IL23R: variants seen among roughly 807,000 people sequenced by gnomAD.
IL23R encodes the protein interleukin-23 receptor.
A neutral mutation model predicts 56.9 loss-of-function variants in IL23R; 34 were observed. The observed-to-expected ratio is 0.60, with a 90% CI of 0.45 to 0.80. The LOEUF (loss-of-function observed/expected upper bound fraction) is 0.80. Among genes scored for constraint, IL23R ranks in the 30% least tolerant of loss-of-function variants. The pLI is 0.00. For missense variants in IL23R, 635 were observed against 730.0 expected (o/e 0.87, Z 1.50); for synonymous variants, 230 against 249.2 (o/e 0.92, Z 0.73).
intron 1 of IL23R, among the ~76,000 whole-genome samples, chr1:67,158,865 T>C (rs948781429): frequency 6.7e-6 from 1 of 150,206 alleles, no homozygotes; most frequent in Non-Finnish European, 1.5e-5. Context: ...AGTGAGACTA[T>C]CACTATCAGT....
intron 6 of IL23R, 176 bp downstream of exon 6, chr1:67,207,231 G>T: frequency 1.3e-6 from 1 of 740,970 alleles, no homozygotes; most frequent in Non-Finnish European, 2.3e-6. Flanking sequence ...TTAGATTCGG[G>T]GGCACATGTG....
intron 7 of IL23R, among the ~76,000 whole-genome samples, chr1:67,227,076 C>G (rs776794270): frequency 3.9e-5 from 6 of 152,208 alleles, no homozygotes; most frequent in Non-Finnish European, 7.3e-5. Context: ...TCTGATCCAC[C>G]AACCTTGATA....
chr1:67,146,874 T>C (rs1646684280), intron 1 of IL23R, among the ~76,000 whole-genome samples: 1 of 152,180 alleles, frequency 6.6e-6, no homozygotes, highest in Non-Finnish European at 1.5e-5. Context: ...GAAATTGCTC[T>C]TCCCCCTTTC....
intron 1 of IL23R, among the ~76,000 whole-genome samples, chr1:67,148,857 T>C (rs528446961): frequency 6.6e-6 from 1 of 152,308 alleles, no homozygotes; most frequent in Admixed American, 6.5e-5. Context: ...TCAGAGGCTC[T>C]TGTGTTCCCT....
chr1:67,203,816 GCA>G (rs1483808696), intron 5 of IL23R, among the ~76,000 whole-genome samples: 1 of 152,176 alleles, frequency 6.6e-6, no homozygotes, highest in Non-Finnish European at 1.5e-5. Context: ...GAATGGCAGC[GCA>G]GAGTTAGTAG....
Position 67,202,710 on chromosome 1 carries a change from G to A in IL23R, c.652+1813G>A, listed in dbSNP as rs143305701. ...CCTTAGCCTCTCGAGTAGCTGGGAC[G>A]ACAGGCCACAGGCCACAGTGCCTGG... On this transcript the variant is annotated intron_variant, in intron 5 of 10. Transcript: ENST00000347310. Among the ~76,000 whole-genome samples the A allele has an allele frequency of 4.5e-3, 689 of 152,118 alleles. 2 individuals carry two copies. The highest frequency in any genetic ancestry group is 6.3e-3 in the Non-Finnish European group (429 of 67,988).
rs558383392 is a variant in IL23R, at chr1:67,147,649, G to A, written c.-634+8488G>A. On this transcript the variant is annotated intron_variant, in intron 1 of 10. Coordinates refer to the IL23R transcript ENST00000637002. ...TGGGAAGCAGAGGTTGCAGTGAGCC[G>A]AGATCATGCATGCCACTGCACTCCA... Among the ~76,000 whole-genome samples the A allele has an allele frequency of 3.9e-5, 6 of 152,058 alleles. No homozygotes were observed. In the South Asian group the frequency reaches 8.3e-4, roughly 21 times the overall value.
At chr1:67,245,642 C>T (rs979519058) in intron 9 of IL23R, among the ~76,000 whole-genome samples, 1 of 152,192 alleles carries the variant, frequency 6.6e-6, no homozygotes, top group Non-Finnish European at 1.5e-5. Flanking sequence ...ACCAGCCTTG[C>T]ATCCCAGGAA....
intron 5 of IL23R, among the ~76,000 whole-genome samples, chr1:67,205,929 C>T (rs971145512): frequency 8.6e-6 from 1 of 116,302 alleles, no homozygotes. Flanking sequence ...CTTTCTTTTT[C>T]TTTCTTTCTT....
intron 1 of IL23R, among the ~76,000 whole-genome samples, chr1:67,158,351 G>A (rs1361964993): frequency 2.0e-5 from 3 of 152,362 alleles, no homozygotes; most frequent in African/African-American, 7.2e-5. Flanking sequence ...GTGAGCTGGA[G>A]GTGTTCACTA....
At chr1:67,164,521 A>C (rs1204405894), upstream of IL23R, among the ~76,000 whole-genome samples, 1 of 152,108 alleles carries the variant, frequency 6.6e-6, no homozygotes, top group Non-Finnish European at 1.5e-5. Flanking sequence ...AATCCCAGCT[A>C]CTTGGGAGGC....
At chr1:67,162,701 A>G (rs897937729), upstream of IL23R, among the ~76,000 whole-genome samples, 1 of 152,220 alleles carries the variant, frequency 6.6e-6, no homozygotes, top group African/African-American at 2.4e-5. Flanking sequence ...TTGATTAATT[A>G]TCCAAGGAGC....
At chr1:67,201,581 A>C (rs1318938989) in intron 5 of IL23R, among the ~76,000 whole-genome samples, 1 of 151,084 alleles carries the variant, frequency 6.6e-6, no homozygotes, top group Non-Finnish European at 1.5e-5. Context: ...AAACACTATG[A>C]TCATGATAAA....
rs1237803566 is a variant in IL23R at position 67,150,666 on chromosome 1, A to AAG, written c.-634+11506_-634+11507insGA. On this transcript the variant is annotated intron_variant, in intron 1 of 10. Transcript: ENST00000637002. Reference sequence around the variant, plus strand: ...GGAACTTAAAGTAAAAAAAAAAAAAAAAAAAGGTTTGAAATGCCTGTTATC... The same window carrying AAG: ...GGAACTTAAAGTAAAAAAAAAAAAAAAGAAAAAGGTTTGAAATGCCTGTTATC... Among the ~76,000 whole-genome samples the AAG allele has an allele frequency of 1.1e-3, 169 of 151,928 alleles. 4 individuals are homozygous for AAG. Among genetic ancestry groups the AAG allele is most frequent in the East Asian group, 0.01 (52 of 5,162 alleles).
downstream of IL23R, among the ~76,000 whole-genome samples, chr1:67,260,826 G>C (rs1450881981): frequency 2.0e-5 from 3 of 152,104 alleles, no homozygotes; most frequent in African/African-American, 7.2e-5. Flanking sequence ...GAGCCCAAGA[G>C]TTAGACACTG....
At chr1:67,222,569 C>G (rs1244734626) in intron 7 of IL23R, among the ~76,000 whole-genome samples, 1 of 151,882 alleles carries the variant, frequency 6.6e-6, no homozygotes, top group Non-Finnish European at 1.5e-5. Context: ...TTAATGAACT[C>G]TATAACTGCC....
At chr1:67,238,963 G>A (rs1651679527) in intron 8 of IL23R, among the ~76,000 whole-genome samples, 1 of 152,134 alleles carries the variant, frequency 6.6e-6, no homozygotes, top group African/African-American at 2.4e-5. Context: ...TAACTAGGGT[G>A]GGGCAAACAC....
chr1:67,204,555 T>G (rs1335275506), intron 5 of IL23R, among the ~76,000 whole-genome samples: 1 of 152,192 alleles, frequency 6.6e-6, no homozygotes, highest in Admixed American at 6.5e-5. Flanking sequence ...CTCATAAGAC[T>G]AAACAGATTT....
intron 6 of IL23R, among the ~76,000 whole-genome samples, chr1:67,216,169 C>G (rs536190055): frequency 1.3e-5 from 2 of 152,296 alleles, no homozygotes; most frequent in African/African-American, 4.8e-5. Flanking sequence ...TACTCTGTTT[C>G]AGGGCATTTG....
Sources: allele counts gnomAD v4.1 joint callset (sites outside exome capture counted in the v4.1 genomes callset), GRCh38; gene constraint gnomAD v4.1.1; transcripts MANE v1.5; gene names NCBI Gene and HGNC (gene_info 2026-07-23, HGNC 2026-07-21).